SYN3: variants seen among roughly 807,000 people sequenced by gnomAD.
The protein encoded by SYN3 is synapsin-3.
In SYN3, 35 loss-of-function variants were observed where a neutral mutation model predicts 65.8. That is an observed-to-expected ratio of 0.53 (90% CI 0.41 to 0.70). SYN3 has a LOEUF of 0.70. SYN3 is among the 30% of genes least tolerant of loss of function. The pLI is 0.00. For synonymous variants in SYN3, 270 were observed against 292.9 expected, an observed-to-expected ratio of 0.92 and a Z score of 0.80; for missense variants, 680 against 749.0, an observed-to-expected ratio of 0.91 and a Z score of 1.08.
chr22:32,906,183 C>T (rs1007943023), intron 4 of SYN3, among the ~76,000 whole-genome samples: 2 of 152,276 alleles, frequency 1.3e-5, no homozygotes, highest in East Asian at 1.9e-4. Flanking sequence ...AAACGTCTTT[C>T]CCTGCAAACA....
At position 32,822,155 on chromosome 22, in the gene SYN3, C is replaced by CAA. The variant is rs35312009; in HGVS notation, c.711+42758_711+42759dup. Among the ~76,000 whole-genome samples, 212 of 108,146 alleles carry CAA rather than the reference C, an allele frequency of 2.0e-3. 5 individuals are homozygous for CAA. The highest frequency in any genetic ancestry group is 3.1e-3 in the Admixed American group (33 of 10,578). 70.9% of individuals were successfully genotyped at this position (108,146 alleles called of 152,430 possible). A position where few individuals can be genotyped will look rare whatever the true frequency, so the allele number is the denominator to read the frequency against. On this transcript the variant is annotated intron_variant, in intron 6 of 13. Coordinates refer to ENST00000358763, the MANE Select transcript of SYN3 (RefSeq NM_003490.4). The stretch of plus-strand genomic sequence containing the variant: ...GGGCAACAAGAGCAAAACTCCATCT[C>CAA]AAAAAAAAAAAAAAAAAAAGAAGTT...
chr22:32,904,002 G>A (rs2049834712), intron 4 of SYN3, among the ~76,000 whole-genome samples: 1 of 152,210 alleles, frequency 6.6e-6, no homozygotes, highest in Non-Finnish European at 1.5e-5. Flanking sequence ...TAGTTCACCT[G>A]TATTTACTGC....
At chr22:32,910,023 G>A (rs779199943) in intron 4 of SYN3, among the ~76,000 whole-genome samples, 2 of 152,140 alleles carry the variant, frequency 1.3e-5, no homozygotes, top group Admixed American at 6.5e-5. Flanking sequence ...GCACTGGAGG[G>A]GAAAAAACAA....
intron 6 of SYN3, among the ~76,000 whole-genome samples, chr22:32,608,894 T>A (rs1200123683): frequency 6.6e-6 from 1 of 152,224 alleles, no homozygotes; most frequent in Admixed American, 6.5e-5. Flanking sequence ...GCAGTTAAAA[T>A]CAGTACAACT....
intron 6 of SYN3, among the ~76,000 whole-genome samples, chr22:32,601,824 TG>T (rs1403796905): frequency 6.6e-6 from 1 of 152,088 alleles, no homozygotes; most frequent in African/African-American, 2.4e-5. Flanking sequence ...TAGTGGTGAC[TG>T]AAGGGCCAGG....
chr22:33,015,987 C>A (rs531722005), intron 1 of SYN3, among the ~76,000 whole-genome samples: 5 of 152,000 alleles, frequency 3.3e-5, no homozygotes, highest in Non-Finnish European at 5.9e-5. Flanking sequence ...GGATTACAGG[C>A]GCCCGCCACC....
At chr22:32,544,230 G>A (rs966837979) in intron 7 of SYN3, among the ~76,000 whole-genome samples, 10 of 152,146 alleles carry the variant, frequency 6.6e-5, no homozygotes, top group East Asian at 3.8e-4. Context: ...GAGCCACTGC[G>A]CCTGGCCCCT....
At chr22:32,561,885 G>T (rs1276849651) in intron 7 of SYN3, among the ~76,000 whole-genome samples, 1 of 152,198 alleles carries the variant, frequency 6.6e-6, no homozygotes, top group Non-Finnish European at 1.5e-5. Context: ...GTCCTGAGGA[G>T]CCCATTTGCC....
chr22:32,543,108 C>T (rs1479854637), intron 7 of SYN3, among the ~76,000 whole-genome samples: 1 of 152,152 alleles, frequency 6.6e-6, no homozygotes, highest in Non-Finnish European at 1.5e-5. Flanking sequence ...TCTGCCTGCC[C>T]TTTGTGGCTC....
intron 2 of SYN3, among the ~76,000 whole-genome samples, chr22:32,981,000 G>A (rs969134437): frequency 2.6e-5 from 4 of 151,662 alleles, no homozygotes; most frequent in African/African-American, 4.8e-5. Flanking sequence ...GATTACAGGT[G>A]CCTGCCATCA....
intron 6 of SYN3, among the ~76,000 whole-genome samples, chr22:32,720,226 T>C (rs2061097423): frequency 6.6e-6 from 1 of 152,214 alleles, no homozygotes; most frequent in Non-Finnish European, 1.5e-5. Flanking sequence ...TATTGTATTG[T>C]TTGAGTGTGA....
chr22:32,869,004 G>A lies in SYN3; in HGVS notation c.583C>T (p.Leu195Phe), dbSNP rs760703048. The A allele has an allele frequency of 4.3e-6, 7 of 1,614,010 alleles. No homozygotes were observed. The East Asian group carries it at 1.1e-4, about 26-fold the overall frequency. ...QYGGLPAVNSLYSVYNFCSKP... is the reference protein window; with the variant it reads ...QYGGLPAVNSFYSVYNFCSKP... ...CTGCAGAAGTTGTAGACGGAGTAGA[G>A]AGAGTTGACAGCAGGCAGCCCTCCA... Residue 195 changes from leucine (L) to phenylalanine (F), a missense_variant, in exon 5 of 14, where the codon CTC becomes TTC. Transcript: ENST00000358763.
intron 1 of SYN3, among the ~76,000 whole-genome samples, chr22:33,026,456 T>C (rs760363093): frequency 5.9e-5 from 9 of 152,194 alleles, no homozygotes; most frequent in Non-Finnish European, 7.3e-5. Context: ...GACTCAGAGC[T>C]TGATGTCCAA....
intron 6 of SYN3, among the ~76,000 whole-genome samples, chr22:32,609,590 C>A (rs2059414535): frequency 6.6e-6 from 1 of 151,394 alleles, no homozygotes; most frequent in Non-Finnish European, 1.5e-5. Flanking sequence ...AATCCTTCTG[C>A]CTCAGCCTCT....
chr22:32,971,995 C>T (rs1051332568), intron 3 of SYN3, among the ~76,000 whole-genome samples: 2 of 152,138 alleles, frequency 1.3e-5, no homozygotes, highest in African/African-American at 4.8e-5. Context: ...TTATTATAGC[C>T]TCTGACGGCC....
chr22:33,047,291 A>C (rs1347161275), intron 1 of SYN3, among the ~76,000 whole-genome samples: 1 of 152,214 alleles, frequency 6.6e-6, no homozygotes, highest in African/African-American at 2.4e-5. Flanking sequence ...GAATCTGCCT[A>C]TCACAGGATT....
chr22:32,698,100 G>C (rs1176801269), intron 6 of SYN3, among the ~76,000 whole-genome samples: 1 of 152,216 alleles, frequency 6.6e-6, no homozygotes, highest in Non-Finnish European at 1.5e-5. Flanking sequence ...GTTGTATGTA[G>C]AGGTTTGGGG....
Position 32,857,474 on chromosome 22 carries a change from G to A in SYN3, c.711+7441C>T, listed in dbSNP as rs114346817. On this transcript the variant is annotated intron_variant, in intron 6 of 13. Coordinates refer to ENST00000358763, the MANE Select transcript of SYN3 (RefSeq NM_003490.4). Reference sequence around the variant, plus strand: ...CACCAAATGTCCAGTAAATTGTAAGGAGTCTCTAATGTTGAATTCATCCCA... The same window carrying A: ...CACCAAATGTCCAGTAAATTGTAAGAAGTCTCTAATGTTGAATTCATCCCA... 5.2e-4 allele frequency: 428 copies of A among 826,520 alleles called. 3 individuals are homozygous for A. The African/African-American group carries it at 6.7e-3, about 13-fold the overall frequency. 51.2% of individuals were successfully genotyped at this position (826,520 alleles called of 1,614,324 possible). A position where few individuals can be genotyped will look rare whatever the true frequency, so the allele number is the denominator to read the frequency against.
intron 6 of SYN3, among the ~76,000 whole-genome samples, chr22:32,719,811 T>C (rs2061091036): frequency 6.6e-6 from 1 of 152,002 alleles, no homozygotes; most frequent in South Asian, 2.1e-4. Flanking sequence ...CTGCAGCCAC[T>C]GCACTGGGTG....
Sources: gnomAD v4.1 joint callset for allele counts (sites outside exome capture counted in the v4.1 genomes callset) on GRCh38, gnomAD v4.1.1 for gene constraint, MANE v1.5 for transcripts, NCBI Gene and HGNC (gene_info 2026-07-23, HGNC 2026-07-21) for gene names.